The following PRKN variants were observed in gnomAD, a reference collection of about 807,000 sequenced individuals.
PRKN encodes E3 ubiquitin-protein ligase parkin.
PRKN carries 56 observed loss-of-function variants against 59.5 expected under a neutral mutation model. That is an observed-to-expected ratio of 0.94 (90% CI 0.76 to 1.18). The LOEUF is 1.18. PRKN is among the 50% of genes most tolerant of loss of function. PRKN has a pLI of 0.00. For synonymous variants in PRKN, 250 were observed against 222.1 expected (o/e 1.13, Z -1.12); for missense variants, 657 against 596.4 (o/e 1.10, Z -1.06).
intron 7 of PRKN, among the ~76,000 whole-genome samples, chr6:161,608,712 T>A (rs892249392): frequency 5.3e-5 from 8 of 151,582 alleles, no homozygotes; most frequent in Admixed American, 2.0e-4. Flanking sequence ...TTTTTTTTTT[T>A]AATTTTTAGT....
intron 5 of PRKN, among the ~76,000 whole-genome samples, chr6:162,037,354 T>G (rs1041942402): frequency 6.6e-6 from 1 of 152,102 alleles, no homozygotes; most frequent in African/African-American, 2.4e-5. Flanking sequence ...ATGAGCACAT[T>G]ATATGAAGTA....
intron 3 of PRKN, among the ~76,000 whole-genome samples, chr6:162,217,732 G>A (rs1458371950): frequency 6.6e-6 from 1 of 152,138 alleles, no homozygotes; most frequent in South Asian, 2.1e-4. Flanking sequence ...ATCAATCAGA[G>A]GAATATGTAA....
chr6:161,808,117 C>G (rs79787690), intron 6 of PRKN, among the ~76,000 whole-genome samples: 5,319 of 152,194 alleles, frequency 0.035, 311 homozygotes, highest in African/African-American at 0.12. Context: ...ATAGCTCAGG[C>G]AGGACTAGTA....
intron 1 of PRKN, among the ~76,000 whole-genome samples, chr6:162,557,986 T>G (rs1681845988): frequency 6.6e-6 from 1 of 152,222 alleles, no homozygotes; most frequent in Non-Finnish European, 1.5e-5. Flanking sequence ...TTTTGCCCAG[T>G]TGCCCTACAA....
At chr6:161,983,861 C>A (rs1422479112) in intron 5 of PRKN, among the ~76,000 whole-genome samples, 1 of 119,958 alleles carries the variant, frequency 8.3e-6, no homozygotes, top group Admixed American at 7.9e-5. Flanking sequence ...ACATATGTAA[C>A]TAACCTGCAC....
At chr6:161,945,303 C>T (rs547685058) in intron 6 of PRKN, among the ~76,000 whole-genome samples, 60 of 152,216 alleles carry the variant, frequency 3.9e-4, no homozygotes, top group African/African-American at 1.4e-3. Flanking sequence ...TAATACGGCC[C>T]GCTCATTTGT....
intron 7 of PRKN, among the ~76,000 whole-genome samples, chr6:161,586,340 T>C (rs1246027703): frequency 1.3e-5 from 2 of 152,200 alleles, no homozygotes; most frequent in Non-Finnish European, 2.9e-5. Flanking sequence ...TTTGTCACTA[T>C]ATTGCCATAG....
intron 4 of PRKN, among the ~76,000 whole-genome samples, chr6:162,082,924 G>T (rs536753186): frequency 2.6e-5 from 4 of 152,132 alleles, no homozygotes; most frequent in African/African-American, 7.2e-5. Context: ...TAACACTAAA[G>T]ATCACTGATC....
chr6:161,539,569 T>C (rs376337307), intron 9 of PRKN, among the ~76,000 whole-genome samples: 1,855 of 152,320 alleles, frequency 0.012, 23 homozygotes, highest in African/African-American at 0.041. Flanking sequence ...TAATAATTAT[T>C]GGTCACATTG....
Position 161,548,893 on chromosome 6 carries a change from C to T in PRKN, c.1044G>A (p.Arg348=), listed in dbSNP as rs762023080. Residue 348 remains arginine, a synonymous_variant, in exon 9 of 12, where the codon AGG becomes AGA. Transcript: ENST00000366898. The surrounding 1 kb of genome is among the most constrained non-coding windows in gnomAD (Gnocchi z 4.2). ...CATTGCCCCCTTCGCAGGTGACTTT[C>T]CTCTGGTCAGGCTCCGGCAGCAGCC... is the stretch of plus-strand genomic sequence containing the variant. ...GAGLLPEPDQ[R]KVTCEGGNGL... 1 of 1,614,178 alleles carries T rather than the reference C, an allele frequency of 6.2e-7. No individual in the cohort carries two copies. The highest frequency in any genetic ancestry group is 2.2e-5 in the East Asian group (1 of 44,874).
At chr6:161,404,356 C>T (rs146335718) in intron 9 of PRKN, among the ~76,000 whole-genome samples, 60 of 152,292 alleles carry the variant, frequency 3.9e-4, no homozygotes, top group African/African-American at 1.4e-3. Context: ...GACGGGATGA[C>T]AGAGGTTAGA....
chr6:162,082,793 G>A (rs1202700684), intron 4 of PRKN, among the ~76,000 whole-genome samples: 2 of 152,028 alleles, frequency 1.3e-5, no homozygotes, highest in African/African-American at 4.8e-5. Context: ...GGCCCAAGGA[G>A]AGGGAGAGAG....
chr6:162,143,636 A>C (rs10945798), intron 4 of PRKN, among the ~76,000 whole-genome samples: 1 of 152,210 alleles, frequency 6.6e-6, no homozygotes, highest in African/African-American at 2.4e-5. Flanking sequence ...AACAAGATAC[A>C]TTTGAAGAAA....
intron 7 of PRKN, among the ~76,000 whole-genome samples, chr6:161,678,216 CTTTTTTT>C (rs3066554): frequency 9.7e-4 from 63 of 64,932 alleles, no homozygotes; most frequent in African/African-American, 3.4e-3. Flanking sequence ...TACTGAATCA[CTTTTTTT>C]TTTTTTTTTT....
chr6:162,392,002 C>G (rs1787223779), intron 2 of PRKN, among the ~76,000 whole-genome samples: 1 of 151,336 alleles, frequency 6.6e-6, no homozygotes, highest in Admixed American at 6.6e-5. Flanking sequence ...TGTATTTTAA[C>G]ATTCTTCACT....
intron 6 of PRKN, among the ~76,000 whole-genome samples, chr6:161,848,807 A>C (rs1287033552): frequency 6.6e-6 from 1 of 152,214 alleles, no homozygotes; most frequent in African/African-American, 2.4e-5. Flanking sequence ...GCTAAGCTGA[A>C]GATGTTACAG....
intron 7 of PRKN, among the ~76,000 whole-genome samples, chr6:161,664,132 G>A (rs1201094178): frequency 6.6e-6 from 1 of 152,222 alleles, no homozygotes; most frequent in Non-Finnish European, 1.5e-5. Context: ...TTATGGAGGA[G>A]AAGTGACCTG....
At chr6:161,680,775 A>ATATTTT (rs1216235673) in intron 7 of PRKN, among the ~76,000 whole-genome samples, 6 of 30,630 alleles carry the variant, frequency 2.0e-4, no homozygotes, top group East Asian at 1.3e-3. Context: ...ATATATATAT[A>ATATTTT]TTTTTTTTTT....
chr6:162,479,500 A>G (rs1235091838), intron 1 of PRKN, among the ~76,000 whole-genome samples: 2 of 152,170 alleles, frequency 1.3e-5, no homozygotes, highest in Non-Finnish European at 1.5e-5. Flanking sequence ...AACTGCTGGG[A>G]TAACAGGCTT....
Sources: allele counts gnomAD v4.1 joint callset (sites outside exome capture counted in the v4.1 genomes callset), GRCh38; gene constraint gnomAD v4.1.1; non-coding constraint Gnocchi (gnomAD v3.1); transcripts MANE v1.5; gene names NCBI Gene and HGNC (gene_info 2026-07-23, HGNC 2026-07-21).